Variants in VGLL3 observed in about 807,000 individuals in gnomAD.
VGLL3 encodes transcription cofactor vestigial-like protein 3.
In VGLL3, 18 loss-of-function variants were observed where a neutral mutation model predicts 29.2. The observed-to-expected ratio is 0.62, with a 90% CI of 0.43 to 0.91. The LOEUF is 0.91. Ranked by LOEUF, VGLL3 falls within the 40% of genes least tolerant of loss-of-function variation. VGLL3 has a pLI of 0.00. For synonymous variants in VGLL3, 180 were observed against 151.8 expected (o/e 1.19, Z -1.36); for missense variants, 440 against 413.2 (o/e 1.06, Z -0.56).
At chr3:86,950,949 G>A (rs185520014) in intron 3 of VGLL3, among the ~76,000 whole-genome samples, 68 of 152,206 alleles carry the variant, frequency 4.5e-4, no homozygotes, top group African/African-American at 1.6e-3. Flanking sequence ...AATTCAGTTA[G>A]GACAAAAGCC....
intron 1 of VGLL3, among the ~76,000 whole-genome samples, chr3:86,989,090 A>T (rs1276685731): frequency 1.3e-5 from 2 of 152,222 alleles, no homozygotes; most frequent in Admixed American, 1.3e-4. Flanking sequence ...CTCAAAAAAA[A>T]GTGTTACAGT....
chr3:86,988,628 TC>T (rs1414430954), intron 1 of VGLL3, among the ~76,000 whole-genome samples: 3 of 71,306 alleles, frequency 4.2e-5, no homozygotes, highest in Non-Finnish European at 9.1e-5. Flanking sequence ...TCAAACAGTT[TC>T]TTTACTTGAC....
rs1221275121 is a variant in VGLL3 at position 86,944,330 on chromosome 3, C to G, written c.*2694G>C. The G allele has an allele frequency of 3.9e-5, 6 of 152,490 alleles. No individual in the cohort carries two copies. Among genetic ancestry groups the G allele is most frequent in the Admixed American group, 3.9e-4 (6 of 15,286 alleles). The allele number at this position is 152,490 out of a possible 1,614,324, so 9.4% of individuals were successfully genotyped here. A position where few individuals can be genotyped will look rare whatever the true frequency, so the allele number is the denominator to read the frequency against. On this transcript the variant is annotated 3_prime_UTR_variant, in exon 4 of 4. Coordinates refer to ENST00000398399, the MANE Select transcript of VGLL3 (RefSeq NM_016206.4). ...CACAGCTCACTGCAAGCTGCAAACTCAAACTCCCAGGCTCAAACGTTCCTC... is the reference window on the plus strand; with the variant it reads ...CACAGCTCACTGCAAGCTGCAAACTGAAACTCCCAGGCTCAAACGTTCCTC...
chr3:86,965,650 C>A (rs1230327356), intron 3 of VGLL3, among the ~76,000 whole-genome samples: 1 of 152,154 alleles, frequency 6.6e-6, no homozygotes, highest in African/African-American at 2.4e-5. Context: ...CTCTCAGTTG[C>A]TTCTCTCTTT....
intron 3 of VGLL3, among the ~76,000 whole-genome samples, chr3:86,955,037 T>A (rs770340344): frequency 6.6e-6 from 1 of 152,150 alleles, no homozygotes; most frequent in Admixed American, 6.5e-5. Flanking sequence ...GTTTCTAGGT[T>A]ATGCAGTGAC....
At chr3:86,952,521 A>G (rs1239216413) in intron 3 of VGLL3, among the ~76,000 whole-genome samples, 1 of 152,164 alleles carries the variant, frequency 6.6e-6, no homozygotes. Flanking sequence ...AAAAAAGAGA[A>G]CATAAATAGG....
intron 2 of VGLL3, among the ~76,000 whole-genome samples, chr3:86,970,483 GCACACACACACACA>G (rs10694503): frequency 7.1e-5 from 10 of 141,296 alleles, no homozygotes; most frequent in East Asian, 4.2e-4. Flanking sequence ...TTACACACAC[GCACACACACACACA>G]CACACACACA....
chr3:86,963,507 G>T (rs1287989741), intron 3 of VGLL3, among the ~76,000 whole-genome samples: 3 of 152,110 alleles, frequency 2.0e-5, no homozygotes, highest in Non-Finnish European at 4.4e-5. Flanking sequence ...CTAATTAGAA[G>T]GTTGCACAAT....
At chr3:86,974,220 C>A (rs921921289) in intron 2 of VGLL3, among the ~76,000 whole-genome samples, 5 of 151,670 alleles carry the variant, frequency 3.3e-5, no homozygotes, top group African/African-American at 9.7e-5. Context: ...CGGGTTCAAG[C>A]GATTCTCCTG....
intron 3 of VGLL3, among the ~76,000 whole-genome samples, chr3:86,947,905 C>T (rs1011183582): frequency 9.2e-5 from 14 of 151,754 alleles, no homozygotes; most frequent in Non-Finnish European, 2.9e-5. Flanking sequence ...ATGGGCAATT[C>T]ACATAGCACC....
chr3:86,988,637 G>C (rs531998228), intron 1 of VGLL3, among the ~76,000 whole-genome samples: 2 of 15,740 alleles, frequency 1.3e-4, no homozygotes, highest in Non-Finnish European at 3.0e-4. Context: ...TTCTTTACTT[G>C]ACCAAAAAAA....
At chr3:86,969,226 C>T (rs1179250355) in intron 2 of VGLL3, 103 bp from the exon 3 acceptor site, 165 of 1,369,220 alleles carry the variant, frequency 1.2e-4, no homozygotes, top group Non-Finnish European at 1.5e-4. Context: ...ATTTTACAAG[C>T]AGTCAAATTA....
At chr3:86,972,940 A>T (rs1475684456) in intron 2 of VGLL3, among the ~76,000 whole-genome samples, 3 of 152,206 alleles carry the variant, frequency 2.0e-5, no homozygotes, top group African/African-American at 7.2e-5. Context: ...ACATTGTCTA[A>T]TAAAATCCAC....
chr3:86,943,235 T>C lies in VGLL3; in HGVS notation c.*3789A>G, dbSNP rs1455552346. The stretch of plus-strand genomic sequence containing the variant: ...AACTCTAACATATATACTTTCCTTT[T>C]TCCACCACTTAACGCCACTGCCCCC... On this transcript the variant is annotated 3_prime_UTR_variant, in exon 4 of 4. Transcript: ENST00000398399. The C allele has an allele frequency of 2.6e-5, 4 of 152,312 alleles. No individual in the cohort carries two copies. In the East Asian group the frequency reaches 7.7e-4, roughly 29 times the overall value. The allele number at this position is 152,312 out of a possible 1,614,324, so 9.4% of individuals were successfully genotyped here. A position where few individuals can be genotyped will look rare whatever the true frequency, so the allele number is the denominator to read the frequency against.
chr3:86,963,194 C>T (rs1704891996), intron 3 of VGLL3: 1 of 154,854 alleles, frequency 6.5e-6, no homozygotes, highest in Non-Finnish European at 1.5e-5. Flanking sequence ...TATTCATTTG[C>T]TTATGCATCA....
At chr3:86,947,959 T>G (rs1463779320) in intron 3 of VGLL3, among the ~76,000 whole-genome samples, 1 of 152,176 alleles carries the variant, frequency 6.6e-6, no homozygotes, top group Non-Finnish European at 1.5e-5. Flanking sequence ...TTGTTTTTTT[T>G]TTCTTTCCAG....
intron 1 of VGLL3, among the ~76,000 whole-genome samples, chr3:86,985,308 C>T (rs964897882): frequency 5.9e-5 from 9 of 152,256 alleles, no homozygotes; most frequent in African/African-American, 1.9e-4. Flanking sequence ...TATGGCACTT[C>T]GTTTATCTGT....
Position 86,942,747 on chromosome 3 carries a change from GC to G in VGLL3, c.*4276del, listed in dbSNP as rs1704424753. The stretch of plus-strand genomic sequence containing the variant: ...TCAGAAATGACATACTAAAAAGTCA[GC>G]TAATTAAGAAACGTACATTTATCTC... On this transcript the variant is annotated 3_prime_UTR_variant, in exon 4 of 4. Coordinates refer to ENST00000398399, the MANE Select transcript of VGLL3 (RefSeq NM_016206.4). The G allele has an allele frequency of 6.6e-6, 1 of 152,116 alleles. No homozygotes were observed. The highest frequency in any genetic ancestry group is 2.4e-5 in the African/African-American group (1 of 41,434). The allele number at this position is 152,116 out of a possible 1,614,324, so 9.4% of individuals were successfully genotyped here.
chr3:86,945,594 A>C lies in VGLL3; in HGVS notation c.*1430T>G, dbSNP rs1024603559. Reference sequence around the variant, plus strand: ...TTCATAATCTTAATCTTCTCCTAGCAGTGTCTTAATGATAATTTAAACTTT... The same window carrying C: ...TTCATAATCTTAATCTTCTCCTAGCCGTGTCTTAATGATAATTTAAACTTT... On this transcript the variant is annotated 3_prime_UTR_variant, in exon 4 of 4. Transcript: ENST00000398399. 1 of 152,182 alleles carries C rather than the reference A, an allele frequency of 6.6e-6. No individual in the cohort carries two copies. The highest frequency in any genetic ancestry group is 2.4e-5 in the African/African-American group (1 of 41,458). The allele number at this position is 152,182 out of a possible 1,614,324, so 9.4% of individuals were successfully genotyped here.
Sources: gnomAD v4.1 joint callset for allele counts (sites outside exome capture counted in the v4.1 genomes callset) on GRCh38, gnomAD v4.1.1 for gene constraint, MANE v1.5 for transcripts, NCBI Gene and HGNC (gene_info 2026-07-23, HGNC 2026-07-21) for gene names.